Variants in PLA2G4A observed in about 807,000 individuals in gnomAD.
PLA2G4A encodes the protein cytosolic phospholipase A2.
A neutral mutation model predicts 81.9 loss-of-function variants in PLA2G4A; 40 were observed. The ratio of observed to expected loss-of-function variants is 0.49; its 90% CI spans 0.38 to 0.64. PLA2G4A has a LOEUF of 0.64. Among genes scored for constraint, PLA2G4A ranks in the 30% least tolerant of loss-of-function variants. PLA2G4A has a pLI of 0.00. For synonymous variants in PLA2G4A, 302 were observed against 296.9 expected (o/e 1.02, Z -0.18); for missense variants, 715 against 905.1 (o/e 0.79, Z 2.69).
intron 17 of PLA2G4A, among the ~76,000 whole-genome samples, chr1:186,987,151 A>G (rs1006537399): frequency 2.0e-5 from 3 of 152,238 alleles, no homozygotes; most frequent in Non-Finnish European, 4.4e-5. Flanking sequence ...AAATAATTGC[A>G]TGTTTGCACC....
chr1:186,977,754 G>A lies in PLA2G4A; in HGVS notation c.1926G>A (p.Leu642=). 2 of 1,613,462 alleles carry A rather than the reference G, an allele frequency of 1.2e-6. 1 individual carries two copies. The highest frequency in any genetic ancestry group is 1.7e-6 in the Non-Finnish European group (2 of 1,179,456). Residue 642 remains leucine (L), a synonymous_variant, in exon 16 of 18, where the codon CTG becomes CTA. Coordinates refer to ENST00000367466, the MANE Select transcript of PLA2G4A (RefSeq NM_024420.3). ...KDCPTIIHFV[L]ANINFRKYRA... is the part of the protein sequence containing the mutation. ...GCCCAACCATCATCCACTTTGTTCT[G>A]GCCAACATCAACTTCAGAAAGTACA...
chr1:186,888,303 C>T (rs910827285), intron 3 of PLA2G4A, among the ~76,000 whole-genome samples: 3 of 151,970 alleles, frequency 2.0e-5, no homozygotes, highest in African/African-American at 7.3e-5. Flanking sequence ...AAATATGACC[C>T]ATTGAGAATC....
intron 3 of PLA2G4A, among the ~76,000 whole-genome samples, chr1:186,884,601 G>A (rs1653862255): frequency 6.6e-6 from 1 of 152,126 alleles, no homozygotes; most frequent in Non-Finnish European, 1.5e-5. Context: ...GCCAGGCTTG[G>A]CGTGGTGGCT....
At chr1:186,973,494 G>T (rs927409775) in intron 15 of PLA2G4A, among the ~76,000 whole-genome samples, 2 of 152,142 alleles carry the variant, frequency 1.3e-5, no homozygotes, top group African/African-American at 4.8e-5. Context: ...TCACAGGGCC[G>T]AGGGATTAGG....
chr1:186,963,347 T>C (rs1412700667), intron 14 of PLA2G4A, among the ~76,000 whole-genome samples: 1 of 152,212 alleles, frequency 6.6e-6, no homozygotes, highest in Non-Finnish European at 1.5e-5. Context: ...ACATTCCAGG[T>C]TCTGTGATAG....
intron 2 of PLA2G4A, among the ~76,000 whole-genome samples, chr1:186,869,320 C>CT (rs888056803): frequency 6.6e-6 from 1 of 151,960 alleles, no homozygotes; most frequent in African/African-American, 2.4e-5. Context: ...GAAGGTATTT[C>CT]TTTTTTTAAA....
In PLA2G4A at chr1:186,885,064, T is replaced by C. The variant is rs368595599; in HGVS notation, c.116-7947T>C. Among the ~76,000 whole-genome samples, 6 of 151,858 alleles carry C rather than the reference T, an allele frequency of 4.0e-5. No individual in the cohort carries two copies. In the South Asian group the frequency reaches 1.2e-3, roughly 31 times the overall value. Reference sequence around the variant, plus strand: ...AGAGCTTTGTCAACCTCAAAGGACTTGGGGTATAAAGACTGGATTTTAGGA... The same window carrying C: ...AGAGCTTTGTCAACCTCAAAGGACTCGGGGTATAAAGACTGGATTTTAGGA... On this transcript the variant is annotated intron_variant, in intron 3 of 17. Transcript: ENST00000367466.
chr1:186,918,210 A>G (rs1364046117), intron 7 of PLA2G4A, among the ~76,000 whole-genome samples: 1 of 152,134 alleles, frequency 6.6e-6, no homozygotes, highest in Non-Finnish European at 1.5e-5. Context: ...GAGCTTCTGA[A>G]TCAGGTCGAG....
At chr1:186,877,084 C>G (rs764847283) in intron 3 of PLA2G4A, among the ~76,000 whole-genome samples, 1 of 152,002 alleles carries the variant, frequency 6.6e-6, no homozygotes, top group Non-Finnish European at 1.5e-5. Context: ...TAAGAGTCTT[C>G]TTTAGCAATA....
At chr1:186,835,388 T>C (rs776484879) in intron 1 of PLA2G4A, among the ~76,000 whole-genome samples, 15 of 152,344 alleles carry the variant, frequency 9.8e-5, no homozygotes, top group Non-Finnish European at 1.5e-4. Flanking sequence ...TTAAAACATA[T>C]ATTTGATGCA....
intron 2 of PLA2G4A, among the ~76,000 whole-genome samples, chr1:186,857,763 C>T (rs1298718629): frequency 6.6e-6 from 1 of 151,718 alleles, no homozygotes; most frequent in Non-Finnish European, 1.5e-5. Context: ...CCCCCCACAC[C>T]CCTGACAGGC....
At chr1:186,897,733 T>C (rs1298051080) in intron 5 of PLA2G4A, among the ~76,000 whole-genome samples, 3 of 152,126 alleles carry the variant, frequency 2.0e-5, no homozygotes, top group Non-Finnish European at 4.4e-5. Context: ...GGTCTCAAAC[T>C]CCTAACCTCA....
chr1:186,879,849 T>G (rs1405827678), intron 3 of PLA2G4A, among the ~76,000 whole-genome samples: 1 of 150,992 alleles, frequency 6.6e-6, no homozygotes, highest in African/African-American at 2.4e-5. Flanking sequence ...ATATATATTT[T>G]TTTATTATAT....
chr1:186,852,814 G>A (rs189062489), intron 1 of PLA2G4A, among the ~76,000 whole-genome samples: 2 of 152,022 alleles, frequency 1.3e-5, no homozygotes, highest in African/African-American at 4.8e-5. Flanking sequence ...GTTTATAATT[G>A]GTTAATGTTA....
chr1:186,848,353 T>TA (rs1313592609), intron 1 of PLA2G4A, among the ~76,000 whole-genome samples: 2 of 152,090 alleles, frequency 1.3e-5, no homozygotes, highest in Non-Finnish European at 1.5e-5. Context: ...TATAAGGGTT[T>TA]AAAAACCAGA....
chr1:186,902,362 G>C (rs1654575085), intron 5 of PLA2G4A, among the ~76,000 whole-genome samples: 1 of 151,900 alleles, frequency 6.6e-6, no homozygotes, highest in Non-Finnish European at 1.5e-5. Context: ...TACGACAAAT[G>C]CTCCTTCTAA....
At chr1:186,890,971 T>A (rs955092774) in intron 3 of PLA2G4A, among the ~76,000 whole-genome samples, 6 of 152,140 alleles carry the variant, frequency 3.9e-5, no homozygotes, top group Admixed American at 1.3e-4. Context: ...CCCTTAAAGT[T>A]GTTCAGTGTA....
chr1:186,975,334 T>A (rs1422242195), intron 15 of PLA2G4A, among the ~76,000 whole-genome samples: 1 of 152,384 alleles, frequency 6.6e-6, no homozygotes, highest in African/African-American at 2.4e-5. Context: ...TTCATATACA[T>A]TAAATCCTTT....
At chr1:186,853,482 GATTT>G (rs1652448816) in intron 1 of PLA2G4A, among the ~76,000 whole-genome samples, 1 of 151,676 alleles carries the variant, frequency 6.6e-6, no homozygotes, top group African/African-American at 2.4e-5. Flanking sequence ...AAACGAATTT[GATTT>G]ATTTTGAAAT....
Sources: allele counts gnomAD v4.1 joint callset (sites outside exome capture counted in the v4.1 genomes callset), GRCh38; gene constraint gnomAD v4.1.1; transcripts MANE v1.5; gene names NCBI Gene and HGNC (gene_info 2026-07-23, HGNC 2026-07-21).